The following MPP7 variants were observed in gnomAD, a reference collection of about 807,000 sequenced individuals.
MPP7 encodes MAGUK p55 scaffold protein 7.
A neutral mutation model predicts 76.5 loss-of-function variants in MPP7; 60 were observed. The observed-to-expected ratio is 0.78, with a 90% CI of 0.64 to 0.97. The LOEUF (loss-of-function observed/expected upper bound fraction) is 0.97. Ranked by LOEUF, MPP7 falls within the 50% of genes least tolerant of loss-of-function variation. The probability of loss-of-function intolerance (pLI) is 0.00; values close to 1 mark genes in which losing one functional copy is unlikely to be tolerated. For missense variants in MPP7, 641 were observed against 694.0 expected (o/e 0.92, Z 0.86); for synonymous variants, 237 against 244.5 (o/e 0.97, Z 0.29).
At chr10:28,179,882 A>G (rs2133902442) in intron 3 of MPP7, among the ~76,000 whole-genome samples, 1 of 152,362 alleles carries the variant, frequency 6.6e-6, no homozygotes, top group South Asian at 2.1e-4. Context: ...AACAAATGAA[A>G]TTCACAAATA....
At chr10:28,178,306 T>C (rs1333988573) in intron 3 of MPP7, among the ~76,000 whole-genome samples, 1 of 151,976 alleles carries the variant, frequency 6.6e-6, no homozygotes, top group Non-Finnish European at 1.5e-5. Context: ...TCTACAGAGA[T>C]TCCACCTGTC....
intron 11 of MPP7, among the ~76,000 whole-genome samples, chr10:28,111,089 G>A (rs190324423): frequency 6.6e-6 from 1 of 152,112 alleles, no homozygotes; most frequent in East Asian, 1.9e-4. Context: ...ACTATGCAGG[G>A]TAACTTATTA....
chr10:28,181,686 C>T (rs1837064631), intron 3 of MPP7, among the ~76,000 whole-genome samples: 1 of 152,118 alleles, frequency 6.6e-6, no homozygotes, highest in Non-Finnish European at 1.5e-5. Context: ...TGAGGTAACG[C>T]AGAATAAACA....
At chr10:28,089,036 T>C (rs1228804425) in intron 12 of MPP7, among the ~76,000 whole-genome samples, 1 of 152,094 alleles carries the variant, frequency 6.6e-6, no homozygotes, top group Admixed American at 6.6e-5. Flanking sequence ...CTACCACGCC[T>C]GGCTAATTTT....
chr10:28,134,241 T>C (rs1358317562), intron 5 of MPP7, among the ~76,000 whole-genome samples: 4 of 152,192 alleles, frequency 2.6e-5, no homozygotes, highest in Admixed American at 2.6e-4. Context: ...TCTCCTGTGG[T>C]TGAAATGTTC....
intron 3 of MPP7, among the ~76,000 whole-genome samples, chr10:28,181,153 T>C (rs1347553731): frequency 6.6e-6 from 1 of 152,226 alleles, no homozygotes; most frequent in African/African-American, 2.4e-5. Context: ...AGAATTATAA[T>C]AAAGTATTTT....
At chr10:28,261,594 C>T (rs950464517) in intron 1 of MPP7, among the ~76,000 whole-genome samples, 10 of 152,086 alleles carry the variant, frequency 6.6e-5, no homozygotes, top group African/African-American at 2.4e-4. Context: ...CATCAGGTGA[C>T]CCCAGAGTAC....
chr10:28,210,104 C>T (rs1838081930), intron 2 of MPP7, among the ~76,000 whole-genome samples: 1 of 152,182 alleles, frequency 6.6e-6, no homozygotes, highest in South Asian at 2.1e-4. Context: ...TTCCCTTCCA[C>T]CCCATAATCT....
chr10:28,132,177 T>C (rs1564648836), intron 5 of MPP7, among the ~76,000 whole-genome samples: 2 of 152,208 alleles, frequency 1.3e-5, no homozygotes, highest in African/African-American at 2.4e-5. Context: ...ACAGATTCTT[T>C]TGTCTTTTTC....
intron 3 of MPP7, among the ~76,000 whole-genome samples, chr10:28,156,627 C>T (rs1051935369): frequency 9.2e-5 from 14 of 151,994 alleles, no homozygotes; most frequent in African/African-American, 2.7e-4. Context: ...CCACCAGATA[C>T]GGACACAGGA....
Position 28,055,823 on chromosome 10 carries a change from C to T in MPP7, c.1551+657G>A, listed in dbSNP as rs551651112. Among the ~76,000 whole-genome samples, 15 of 152,246 alleles carry T rather than the reference C, an allele frequency of 9.9e-5. No homozygotes were observed. In the East Asian group the frequency reaches 2.5e-3, roughly 25 times the overall value. ...AAAATTAATTGGTCTAGATTTTATA[C>T]AAATGTTCAGCCTACAATAGTATGA... On this transcript the variant is annotated intron_variant, in intron 16 of 16. Coordinates refer to ENST00000683449, the MANE Select transcript of MPP7 (RefSeq NM_001318170.2).
chr10:28,089,723 C>G lies in MPP7; in HGVS notation c.1071G>C (p.Val357=), dbSNP rs1359371544. The G allele has an allele frequency of 6.2e-7, 1 of 1,613,924 alleles. No homozygotes were observed. The highest frequency in any genetic ancestry group is 8.5e-7 in the Non-Finnish European group (1 of 1,179,886). Residue 357 remains valine, a synonymous_variant, in exon 12 of 17, where the codon GTG becomes GTC. Transcript: ENST00000683449. ...DTADVPTYEE[V]TPYRRQTNEK... is the part of the protein sequence containing the mutation. ...CATTAGTTTGTCGCCGATACGGTGT[C>G]ACTTCTTCGTATGTGGGTACGTCAG...
At chr10:28,237,976 A>AG (rs1377743118) in intron 2 of MPP7, among the ~76,000 whole-genome samples, 1 of 151,330 alleles carries the variant, frequency 6.6e-6, no homozygotes, top group African/African-American at 2.4e-5. Flanking sequence ...TGTGTGTGTT[A>AG]GTTTTTTTTT....
chr10:28,257,929 T>C (rs1331885720), intron 1 of MPP7, among the ~76,000 whole-genome samples: 4 of 152,070 alleles, frequency 2.6e-5, no homozygotes, highest in Admixed American at 1.3e-4. Context: ...GGCTTCTCAA[T>C]GAGAAAAGGG....
chr10:28,256,408 C>T (rs2132892608), intron 1 of MPP7, among the ~76,000 whole-genome samples: 1 of 149,696 alleles, frequency 6.7e-6, no homozygotes, highest in Middle Eastern at 3.5e-3. Context: ...CAGAAAAATA[C>T]TCCAGCCAAG....
At chr10:28,071,395 G>A (rs755722614) in intron 12 of MPP7, among the ~76,000 whole-genome samples, 56 of 152,140 alleles carry the variant, frequency 3.7e-4, no homozygotes, top group Non-Finnish European at 2.5e-4. Context: ...CCTGACCCTT[G>A]TATAAAAACA....
At chr10:28,165,165 C>T (rs1033377716) in intron 3 of MPP7, among the ~76,000 whole-genome samples, 3 of 152,100 alleles carry the variant, frequency 2.0e-5, no homozygotes, top group Non-Finnish European at 4.4e-5. Context: ...ATGTCTGCAT[C>T]CAAATCGCCC....
intron 1 of MPP7, among the ~76,000 whole-genome samples, chr10:28,249,634 CT>C (rs1839548726): frequency 6.6e-6 from 1 of 152,182 alleles, no homozygotes; most frequent in African/African-American, 2.4e-5. Context: ...CTCGTGCTCC[CT>C]TTTCCCCGAG....
intron 11 of MPP7, among the ~76,000 whole-genome samples, chr10:28,106,692 T>C (rs574677333): frequency 2.0e-4 from 30 of 152,314 alleles, no homozygotes; most frequent in Admixed American, 9.8e-4. Flanking sequence ...GGAGCACTCC[T>C]ATCCTCAACT....
Sources: allele counts gnomAD v4.1 joint callset (sites outside exome capture counted in the v4.1 genomes callset), GRCh38; gene constraint gnomAD v4.1.1; transcripts MANE v1.5; gene names NCBI Gene and HGNC (gene_info 2026-07-23, HGNC 2026-07-21).